PC: variants seen among roughly 807,000 people sequenced by gnomAD.
PC encodes pyruvate carboxylase, mitochondrial.
PC carries 46 observed loss-of-function variants against 107.8 expected under a neutral mutation model. That is an observed-to-expected ratio of 0.43 (90% CI 0.34 to 0.55). PC has a LOEUF of 0.55. PC is among the 20% of genes least tolerant of loss of function. The pLI, the probability that PC is intolerant of heterozygous loss-of-function variation, is 0.04. For synonymous variants in PC, 662 were observed against 684.7 expected (o/e 0.97, Z 0.52); for missense variants, 1,241 against 1,643.1 (o/e 0.76, Z 4.23).
chr11:66,881,729 C>T (rs1177909604), intron 3 of PC, among the ~76,000 whole-genome samples: 3 of 152,222 alleles, frequency 2.0e-5, no homozygotes, highest in Non-Finnish European at 4.4e-5. Flanking sequence ...CACTCAGTAA[C>T]CCTCACAGCC....
intron 3 of PC, among the ~76,000 whole-genome samples, chr11:66,884,546 T>C (rs1276391229): frequency 6.6e-6 from 1 of 152,172 alleles, no homozygotes; most frequent in Non-Finnish European, 1.5e-5. Context: ...AAATGTCCCA[T>C]ACATATTGAT....
At chr11:66,872,721 C>G (rs1211597466) in intron 3 of PC, among the ~76,000 whole-genome samples, 2 of 151,710 alleles carry the variant, frequency 1.3e-5, no homozygotes, top group African/African-American at 4.8e-5. Context: ...GGCGACAGGG[C>G]AAGACTCCGT....
intron 3 of PC, among the ~76,000 whole-genome samples, chr11:66,901,181 C>G (rs995480782): frequency 6.6e-6 from 1 of 152,164 alleles, no homozygotes; most frequent in Non-Finnish European, 1.5e-5. Context: ...TTGGCGGCCT[C>G]CCTGTATGCC....
intron 11 of PC, among the ~76,000 whole-genome samples, chr11:66,865,622 GC>G (rs1946460601): frequency 6.6e-6 from 1 of 152,046 alleles, no homozygotes; most frequent in African/African-American, 2.4e-5. Context: ...CCGCCTCAGC[GC>G]CCCCTACACC....
rs553621380 is a variant in PC, at chr11:66,871,623, C to T, written c.321+64G>A. 37 of 1,562,086 alleles carry T rather than the reference C, an allele frequency of 2.4e-5. No homozygotes were observed. In the African/African-American group the frequency reaches 5.0e-4, roughly 21 times the overall value. On this transcript the variant is annotated intron_variant, in intron 5 of 22. Transcript: ENST00000393960. The surrounding 1 kb of genome is among the most constrained non-coding windows in gnomAD (Gnocchi z 7.4). ...CGCTGAGCACGCCAGCCTCAAGAGA[C>T]CCCCGCGGCAACTAAGACTCCCTGG... is the stretch of plus-strand genomic sequence containing the variant.
In PC at chr11:66,860,169, G is replaced by A. The variant is rs1230803568; in HGVS notation, c.1368+3605C>T. Reference sequence around the variant, plus strand: ...GTGCCGGGGGGTAGGAGGCAGCGCCGAGCGGCTGGAAGAGAGTGTGGTGTG... The same window carrying A: ...GTGCCGGGGGGTAGGAGGCAGCGCCAAGCGGCTGGAAGAGAGTGTGGTGTG... On this transcript the variant is annotated intron_variant, in intron 12 of 22. Transcript: ENST00000393960. 1 of 1,546,976 alleles carries A rather than the reference G, an allele frequency of 6.5e-7. No individual in the cohort carries two copies. The highest frequency in any genetic ancestry group is 8.7e-7 in the Non-Finnish European group (1 of 1,147,560).
At position 66,872,091 on chromosome 11, in the gene PC, G is replaced by T. The variant is rs758030072; in HGVS notation, c.69C>A (p.Pro23=). The change falls in exon 4 of 23, where the codon CCC becomes CCA. Residue 23 remains proline, a synonymous_variant. Coordinates refer to ENST00000393960, the MANE Select transcript of PC (RefSeq NM_001040716.2). Reference sequence around the variant, plus strand: ...GGCGCCGGACATTTGGGGAGGCAGCGGGGGCGGTGGAGGTTCGGCGGATTC... The same window carrying T: ...GGCGCCGGACATTTGGGGAGGCAGCTGGGGCGGTGGAGGTTCGGCGGATTC... The part of the protein sequence containing the change: ...LLGIRRTSTA[P]AASPNVRRLE... 1.3e-6 allele frequency: 2 copies of T among 1,570,424 alleles called. No homozygotes were observed. Among genetic ancestry groups the T allele is most frequent in the Admixed American group, 3.7e-5 (2 of 53,510 alleles).
At chr11:66,925,255 A>T (rs959675519) in intron 3 of PC, among the ~76,000 whole-genome samples, 5 of 152,200 alleles carry the variant, frequency 3.3e-5, no homozygotes, top group Non-Finnish European at 7.3e-5. Context: ...AAAATTTATT[A>T]GGCGGGAATT....
chr11:66,955,822 G>T (rs1949548320), intron 1 of PC, among the ~76,000 whole-genome samples: 1 of 151,648 alleles, frequency 6.6e-6, no homozygotes, highest in South Asian at 2.1e-4. Flanking sequence ...GCCCAGGCTG[G>T]AGTGCAGGGG....
intron 10 of PC, among the ~76,000 whole-genome samples, chr11:66,867,422 T>A (rs904321822): frequency 2.0e-5 from 3 of 152,190 alleles, no homozygotes; most frequent in African/African-American, 4.8e-5. Context: ...GTATTGCCAC[T>A]GAGGCTTGTG....
At chr11:66,886,301 GAGGCAGGGAGTGC>G (rs1337946781) in intron 3 of PC, among the ~76,000 whole-genome samples, 3 of 149,800 alleles carry the variant, frequency 2.0e-5, no homozygotes, top group African/African-American at 4.8e-5. Context: ...GTGGCCCGCT[GAGGCAGGGAGTGC>G]AGGCAGGGAG....
At position 66,857,049 on chromosome 11, in the gene PC, G is replaced by GCGGCGCGCGCGCCCGC. The variant is rs986996627; in HGVS notation, c.1369-3682_1369-3667dup. The GCGGCGCGCGCGCCCGC allele has an allele frequency of 6.8e-6, 1 of 146,540 alleles. No homozygotes were observed. Among genetic ancestry groups the GCGGCGCGCGCGCCCGC allele is most frequent in the Non-Finnish European group, 1.5e-5 (1 of 65,838 alleles). The allele number at this position is 146,540 out of a possible 1,614,324, so 9.1% of individuals were successfully genotyped here. On this transcript the variant is annotated intron_variant, in intron 12 of 22. Transcript: ENST00000393960. This position sits in a 1 kb window ranked among gnomAD's most constrained non-coding sequence, Gnocchi z 7.1. ...CCGTCCGCCCTCCACGTGCGTGTCC[G>GCGGCGCGCGCGCCCGC]CGGCGCGCGCGCCCGCCGGCGCGCA...
chr11:66,891,296 G>A lies in PC; in HGVS notation c.1-19137C>T, dbSNP rs573027060. On this transcript the variant is annotated intron_variant, in intron 3 of 22. Coordinates refer to ENST00000393960, the MANE Select transcript of PC (RefSeq NM_001040716.2). Reference sequence around the variant, plus strand: ...GCTGGTCTTTACCTCCTGACCTCAGGTGATCTGCCCACCTTGGCCTCCCAA... The same window carrying A: ...GCTGGTCTTTACCTCCTGACCTCAGATGATCTGCCCACCTTGGCCTCCCAA... 1.3e-4 allele frequency among the ~76,000 whole-genome samples: 20 copies of A among 152,176 alleles called. No homozygotes were observed. In the South Asian group the frequency reaches 4.1e-3, roughly 32 times the overall value.
chr11:66,875,665 A>G (rs1323083392), intron 3 of PC, among the ~76,000 whole-genome samples: 2 of 152,062 alleles, frequency 1.3e-5, no homozygotes, highest in Non-Finnish European at 1.5e-5. Flanking sequence ...TGGGCAGAGC[A>G]TGACTCCCAG....
Position 66,851,964 on chromosome 11 carries a change from G to A in PC, c.1826-18C>T, listed in dbSNP as rs1486820086. Reference sequence around the variant, plus strand: ...CGTGGCTCCTGCACAGGAACCGAGAGGCCCAGATCAGCTCTGCATGCCTGG... The same window carrying A: ...CGTGGCTCCTGCACAGGAACCGAGAAGCCCAGATCAGCTCTGCATGCCTGG... On this transcript the variant is annotated intron_variant, in intron 15 of 22. Transcript: ENST00000393960. 4 of 1,613,106 alleles carry A rather than the reference G, an allele frequency of 2.5e-6. No individual in the cohort carries two copies. Among genetic ancestry groups the A allele is most frequent in the Non-Finnish European group, 3.4e-6 (4 of 1,179,826 alleles).
At chr11:66,860,613 C>CT (rs1269729834) in intron 12 of PC, 5 of 701,392 alleles carry the variant, frequency 7.1e-6, no homozygotes, top group Non-Finnish European at 1.3e-5. Context: ...TCCTGGCTTC[C>CT]TGTCCACAGG....
chr11:66,849,536 G>T, intron 21 of PC, 75 bp downstream of exon 21: 1 of 1,611,222 alleles, frequency 6.2e-7, no homozygotes, highest in South Asian at 1.1e-5. Context: ...GAGGCTGGGT[G>T]ACAGCCAAGC....
intron 1 of PC, among the ~76,000 whole-genome samples, chr11:66,957,387 C>T (rs1208708823): frequency 6.6e-6 from 1 of 152,218 alleles, no homozygotes; most frequent in Non-Finnish European, 1.5e-5. Context: ...GAAGCCAGGG[C>T]AGGCCGCTCG....
In PC at chr11:66,849,935, A is replaced by G. The variant is rs2135791416; in HGVS notation, c.2898+2T>C. On this transcript the variant is annotated splice_donor_variant, in intron 20 of 22. Coordinates refer to ENST00000393960, the MANE Select transcript of PC (RefSeq NM_001040716.2). LOFTEE classifies it high-confidence loss of function. The stretch of plus-strand genomic sequence containing the variant: ...CCTCACACCATGCTGGGCCTTCCCT[A>G]CCTTAGAGCGAAAGGGTTCGGGGAA... 1.9e-6 allele frequency: 3 copies of G among 1,613,478 alleles called. No individual in the cohort carries two copies. Among genetic ancestry groups the G allele is most frequent in the Non-Finnish European group, 2.5e-6 (3 of 1,179,990 alleles).
Sources: gnomAD v4.1 joint callset for allele counts (sites outside exome capture counted in the v4.1 genomes callset) on GRCh38, gnomAD v4.1.1 for gene constraint, Gnocchi (gnomAD v3.1) non-coding constraint, MANE v1.5 for transcripts, NCBI Gene and HGNC (gene_info 2026-07-23, HGNC 2026-07-21) for gene names.